TTC21B: variants seen among roughly 807,000 people sequenced by gnomAD.
TTC21B encodes the protein tetratricopeptide repeat protein 21B.
In TTC21B, 127 loss-of-function variants were observed where a neutral mutation model predicts 175.1. The ratio of observed to expected loss-of-function variants is 0.73; its 90% CI spans 0.63 to 0.84. The LOEUF (loss-of-function observed/expected upper bound fraction) is 0.84. TTC21B is among the 40% of genes least tolerant of loss of function. TTC21B has a pLI of 0.00. For missense variants in TTC21B, 1,561 were observed against 1,558.3 expected (o/e 1.00, Z -0.03); for synonymous variants, 524 against 524.5 (o/e 1.00, Z 0.01).
At position 165,899,780 on chromosome 2, in the gene TTC21B, G is replaced by A. The variant is rs775868164; in HGVS notation, c.2858C>T (p.Ala953Val). The A allele has an allele frequency of 1.2e-5, 20 of 1,610,162 alleles. No homozygotes were observed. The East Asian group carries it at 4.0e-4, about 32-fold the overall frequency. The change falls in exon 21 of 29, where the codon GCT (alanine) becomes GTT (valine). Residue 953 changes from alanine (A) to valine (V), a missense_variant. Coordinates refer to ENST00000243344, the MANE Select transcript of TTC21B (RefSeq NM_024753.5). ...GTTCCTTGGACTGACCATGGTAGCA[G>A]CTTCGTTATCCTGGTCACTCTGAAG... ...LLLQSDQDNEAATMMMADLMF... is the reference protein window; with the variant it reads ...LLLQSDQDNEVATMMMADLMF...
At chr2:165,900,023 A>C (rs1456263277) in intron 20 of TTC21B, 143 bp from the exon 21 acceptor site, 9 of 644,008 alleles carry the variant, frequency 1.4e-5, no homozygotes, top group South Asian at 8.5e-5. Context: ...AAAAAAAAAA[A>C]ACAACAGTAT....
In TTC21B at chr2:165,919,408, G is replaced by A. The variant is rs1422092714; in HGVS notation, c.1542C>T (p.Asn514=). ...LSGDIEAAFN[N]LQHCLEHNPS... ...GATTGTGTTCTAAGCAGTGCTGAAG[G>A]TTATTGAAAGCTGCTTCAATATCAC... is the stretch of plus-strand genomic sequence containing the variant. The change falls in exon 13 of 29, where the codon AAC becomes AAT. Residue 514 remains asparagine (N), a synonymous_variant. Coordinates refer to ENST00000243344, the MANE Select transcript of TTC21B (RefSeq NM_024753.5). 2 of 1,613,880 alleles carry A rather than the reference G, an allele frequency of 1.2e-6. No homozygotes were observed. Among genetic ancestry groups the A allele is most frequent in the Admixed American group, 1.7e-5 (1 of 59,982 alleles).
chr2:165,933,951 C>T (rs550956480), intron 6 of TTC21B: 1 of 152,202 alleles, frequency 6.6e-6, no homozygotes, highest in East Asian at 1.9e-4. Context: ...GGGGGAAACA[C>T]TATTGGAGGT....
At position 165,913,660 on chromosome 2, in the gene TTC21B, C is replaced by G. The variant is rs750463543; in HGVS notation, c.2139-14G>C. On this transcript the variant is annotated splice_polypyrimidine_tract_variant and intron_variant, in intron 15 of 28. Coordinates refer to ENST00000243344, the MANE Select transcript of TTC21B (RefSeq NM_024753.5). ...TCAGCAATTTCTCTGGAAATCAGAC[C>G]AACATTACTTAGCATATTGAACACA... is the stretch of plus-strand genomic sequence containing the variant. 1.2e-6 allele frequency: 2 copies of G among 1,600,384 alleles called. No homozygotes were observed. Among genetic ancestry groups the G allele is most frequent in the Non-Finnish European group, 8.6e-7 (1 of 1,168,002 alleles).
chr2:165,927,046 GTA>G (rs1217280135), intron 11 of TTC21B, among the ~76,000 whole-genome samples: 1 of 78,666 alleles, frequency 1.3e-5, no homozygotes, highest in African/African-American at 6.0e-5. Flanking sequence ...ATATATATGT[GTA>G]TATATATATA....
In TTC21B at chr2:165,888,335, GTTTGGTAGCCATTAAGCAAT is replaced by G. The variant is rs1685077018; in HGVS notation, c.3383_3402del (p.Tyr1128SerfsTer4). 3.7e-6 allele frequency: 6 copies of G among 1,613,728 alleles called. No homozygotes were observed. In the South Asian group the frequency reaches 6.6e-5, roughly 18 times the overall value. On this transcript the variant is annotated frameshift_variant, in exon 25 of 29. Coordinates refer to ENST00000243344, the MANE Select transcript of TTC21B (RefSeq NM_024753.5). LOFTEE classifies it high-confidence loss of function. Reference sequence around the variant, plus strand: ...AATGCTTGTTCAACATTAGATTTCTGTTTGGTAGCCATTAAGCAATAGTTTTCCATTATGCGAAGCTGTAC... The same window carrying G: ...AATGCTTGTTCAACATTAGATTTCTGAGTTTTCCATTATGCGAAGCTGTAC...
chr2:165,898,436 G>A (rs917168615), intron 22 of TTC21B, among the ~76,000 whole-genome samples: 11 of 152,096 alleles, frequency 7.2e-5, no homozygotes, highest in African/African-American at 2.7e-4. Flanking sequence ...AAAGTAGTTC[G>A]AATCAATGAA....
chr2:165,899,839 G>T lies in TTC21B; in HGVS notation c.2799C>A (p.Asp933Glu). ...ELARLYLAQD[D>E]PDSCLRQCAL... is the part of the protein sequence containing the mutation. ...CACACTGCCGCAGGCAGGAATCAGG[G>T]TCATCTTGTGCCAGGTATAATCGTG... The change falls in exon 21 of 29, where the codon GAC becomes GAA. Residue 933 changes from aspartate to glutamate, a missense_variant. Coordinates refer to ENST00000243344, the MANE Select transcript of TTC21B (RefSeq NM_024753.5). 6.2e-7 allele frequency: 1 copy of T among 1,613,946 alleles called. No individual in the cohort carries two copies. Among genetic ancestry groups the T allele is most frequent in the East Asian group, 2.2e-5 (1 of 44,866 alleles).
In TTC21B at chr2:165,911,329, G is replaced by A. The variant is rs1368264824; in HGVS notation, c.2459C>T (p.Pro820Leu). The change falls in exon 18 of 29, where the codon CCT (proline) becomes CTT (leucine). Residue 820 changes from proline (P) to leucine (L), a missense_variant and splice_region_variant. Physicochemically the swap from Pro to Leu is moderately conservative, Grantham distance 98 (BLOSUM62 -3). Coordinates refer to ENST00000243344, the MANE Select transcript of TTC21B (RefSeq NM_024753.5). Reference sequence around the variant, plus strand: ...TCAAACCAGAAAGACTTTCATACCAGGTTCATGAGCCAGAGCATGCTGAAG... The same window carrying A: ...TCAAACCAGAAAGACTTTCATACCAAGTTCATGAGCCAGAGCATGCTGAAG... ...KVLQHALAHE[P>L]VNELSALMED... 7 of 1,613,658 alleles carry A rather than the reference G, an allele frequency of 4.3e-6. No individual in the cohort carries two copies. The South Asian group carries it at 5.5e-5, about 13-fold the overall frequency.
chr2:165,930,109 C>G, intron 9 of TTC21B, 63 bp downstream of exon 9: 1 of 1,489,200 alleles, frequency 6.7e-7, no homozygotes, highest in South Asian at 1.1e-5. Flanking sequence ...TCTCTAATGG[C>G]AAGTTAAAAG....
chr2:165,914,691 G>GTGTGTGTGTGTGTGTC (rs1245233255), intron 15 of TTC21B, among the ~76,000 whole-genome samples: 13 of 148,252 alleles, frequency 8.8e-5, no homozygotes, highest in African/African-American at 3.4e-4. Context: ...GTGTGTGTGT[G>GTGTGTGTGTGTGTGTC]TGTGTGTTGT....
At chr2:165,890,753 T>A in intron 23 of TTC21B, 85 bp downstream of exon 23, 2 of 1,545,296 alleles carry the variant, frequency 1.3e-6, no homozygotes, top group Admixed American at 3.6e-5. Context: ...ATGTACATTT[T>A]TTTTTACTAC....
At position 165,932,988 on chromosome 2, in the gene TTC21B, C is replaced by T; in HGVS notation, c.780G>A (p.Glu260=). The change falls in exon 7 of 29, where the codon GAG becomes GAA. Residue 260 remains glutamate, a synonymous_variant. Transcript: ENST00000243344. ...RMQALYYVCR[E]GDIEKASTKL... ...TGCCACTTACCTTCTCTATATCCCC[C>T]TCTCTACACACATAGTAGAGTGCCT... The T allele has an allele frequency of 6.2e-7, 1 of 1,613,038 alleles. No individual in the cohort carries two copies. The highest frequency in any genetic ancestry group is 1.3e-5 in the African/African-American group (1 of 75,008).
chr2:165,932,962 AT>A lies in TTC21B; in HGVS notation c.795+10del, dbSNP rs1559068659. ...TAATATAGGAAACTTAAATAATACAATGCCACTTACCTTCTCTATATCCCCC... is the reference window on the plus strand; with the variant it reads ...TAATATAGGAAACTTAAATAATACAAGCCACTTACCTTCTCTATATCCCCC... On this transcript the variant is annotated intron_variant, in intron 7 of 28. Coordinates refer to ENST00000243344, the MANE Select transcript of TTC21B (RefSeq NM_024753.5). The A allele has an allele frequency of 6.2e-7, 1 of 1,608,634 alleles. No homozygotes were observed. The highest frequency in any genetic ancestry group is 8.5e-7 in the Non-Finnish European group (1 of 1,175,744).
At chr2:165,942,529 C>A (rs1250611735) in intron 5 of TTC21B, among the ~76,000 whole-genome samples, 2 of 152,128 alleles carry the variant, frequency 1.3e-5, no homozygotes, top group Non-Finnish European at 2.9e-5. Flanking sequence ...CCAGGCCCAC[C>A]ACTCCTCCTC....
chr2:165,916,259 T>C (rs1393647237), intron 14 of TTC21B, among the ~76,000 whole-genome samples: 1 of 152,180 alleles, frequency 6.6e-6, no homozygotes, highest in African/African-American at 2.4e-5. Context: ...TGAGACCTTA[T>C]CACTAAAAAA....
At chr2:165,943,102 G>T in intron 5 of TTC21B, 117 bp downstream of exon 5, 1 of 984,826 alleles carries the variant, frequency 1.0e-6, no homozygotes, top group Non-Finnish European at 1.6e-6. Context: ...ACAGCTGTGA[G>T]CTGACAACAG....
Position 165,919,438 on chromosome 2 carries a change from T to G in TTC21B, c.1517-5A>C, listed in dbSNP as rs769174542. Reference sequence around the variant, plus strand: ...TGAAAGCTGCTTCAATATCACCTAATAAGAAAAACAATGCATTGTTATAAT... The same window carrying G: ...TGAAAGCTGCTTCAATATCACCTAAGAAGAAAAACAATGCATTGTTATAAT... On this transcript the variant is annotated splice_region_variant and splice_polypyrimidine_tract_variant and intron_variant, in intron 12 of 28. Coordinates refer to ENST00000243344, the MANE Select transcript of TTC21B (RefSeq NM_024753.5). The G allele has an allele frequency of 5.6e-5, 91 of 1,613,554 alleles. No homozygotes were observed. Among genetic ancestry groups the G allele is most frequent in the Non-Finnish European group, 7.6e-5 (90 of 1,179,668 alleles).
chr2:165,877,078 A>G (rs1684688146), intron 27 of TTC21B, among the ~76,000 whole-genome samples: 1 of 152,230 alleles, frequency 6.6e-6, no homozygotes, highest in South Asian at 2.1e-4. Flanking sequence ...TTCTCTTGTA[A>G]CATGCTATAA....
Sources: allele counts gnomAD v4.1 joint callset (sites outside exome capture counted in the v4.1 genomes callset), GRCh38; gene constraint gnomAD v4.1.1; transcripts MANE v1.5; gene names NCBI Gene and HGNC (gene_info 2026-07-23, HGNC 2026-07-21).